The following RALYL variants were observed in gnomAD, a reference collection of about 807,000 sequenced individuals.
The protein encoded by RALYL is RNA-binding Raly-like protein.
Under a neutral mutation model 35.1 loss-of-function variants are expected in RALYL, and 29 were observed. The ratio of observed to expected loss-of-function variants is 0.83; its 90% CI spans 0.61 to 1.13. The LOEUF (loss-of-function observed/expected upper bound fraction) is 1.13. Among genes scored for constraint, RALYL ranks in the 50% most tolerant of loss-of-function variants. The pLI is 0.00. For synonymous variants in RALYL, 120 were observed against 127.6 expected (o/e 0.94, Z 0.40); for missense variants, 359 against 360.4 (o/e 1.00, Z 0.03).
At chr8:84,830,085 CTAAATAGATCA>C (rs1428190627) in intron 4 of RALYL, among the ~76,000 whole-genome samples, 3 of 149,018 alleles carry the variant, frequency 2.0e-5, no homozygotes, top group African/African-American at 7.5e-5. Flanking sequence ...AAATGAGGCA[CTAAATAGATCA>C]TAACATAGAT....
chr8:84,450,505 A>G (rs1228488057), intron 1 of RALYL, among the ~76,000 whole-genome samples: 2 of 151,926 alleles, frequency 1.3e-5, no homozygotes, highest in African/African-American at 2.4e-5. Context: ...TGATTCAGTT[A>G]TGCCTGCTAC....
At chr8:84,522,195 T>C (rs2058509986) in intron 1 of RALYL, among the ~76,000 whole-genome samples, 1 of 152,086 alleles carries the variant, frequency 6.6e-6, no homozygotes, top group African/African-American at 2.4e-5. Context: ...CAGCGGGTTC[T>C]TAATAAAATA....
intron 2 of RALYL, among the ~76,000 whole-genome samples, chr8:84,767,953 A>G (rs1322164931): frequency 1.3e-5 from 2 of 152,236 alleles, no homozygotes; most frequent in Non-Finnish European, 2.9e-5. Context: ...TTAAACCCAC[A>G]TCATTTCTTG....
intron 4 of RALYL, among the ~76,000 whole-genome samples, chr8:84,845,127 TA>T (rs922411095): frequency 1.3e-4 from 19 of 151,944 alleles, no homozygotes; most frequent in African/African-American, 3.1e-4. Flanking sequence ...ATAAAAAAAT[TA>T]AAAAAAATAA....
At chr8:84,405,401 A>G (rs111254398) in intron 1 of RALYL, among the ~76,000 whole-genome samples, 4,488 of 152,264 alleles carry the variant, frequency 0.029, 216 homozygotes, top group African/African-American at 0.1. Context: ...AAACCCTTCA[A>G]AAATCAATGA....
chr8:84,188,417 T>G (rs1306857943), intron 1 of RALYL, among the ~76,000 whole-genome samples: 2 of 152,086 alleles, frequency 1.3e-5, no homozygotes, highest in African/African-American at 4.8e-5. Context: ...CAGTTATTGT[T>G]ATTATTCTCT....
intron 1 of RALYL, among the ~76,000 whole-genome samples, chr8:84,418,201 G>C (rs185202338): frequency 2.6e-5 from 4 of 152,186 alleles, no homozygotes; most frequent in African/African-American, 9.6e-5. Context: ...CAGAATGGTT[G>C]GGTTTTAATT....
At chr8:84,293,392 A>G (rs1839140462) in intron 1 of RALYL, among the ~76,000 whole-genome samples, 1 of 152,092 alleles carries the variant, frequency 6.6e-6, no homozygotes, top group Non-Finnish European at 1.5e-5. Context: ...AGTAAAATTC[A>G]TGTTGGTTTC....
chr8:84,307,086 G>C (rs1284151854), intron 1 of RALYL, among the ~76,000 whole-genome samples: 1 of 152,144 alleles, frequency 6.6e-6, no homozygotes, highest in Non-Finnish European at 1.5e-5. Context: ...GGTTCCAGTG[G>C]TTGATTCACA....
chr8:84,497,636 G>GTTTTTTTTTTTTTTTTTTTTTTT (rs1275818557), intron 1 of RALYL, among the ~76,000 whole-genome samples: 2 of 111,594 alleles, frequency 1.8e-5, no homozygotes, highest in African/African-American at 6.9e-5. Context: ...TGTTGTTTTT[G>GTTTTTTTTTTTTTTTTTTTTTTT]TTTTTGTTTT....
At chr8:84,442,203 C>T (rs2048396422) in intron 1 of RALYL, among the ~76,000 whole-genome samples, 2 of 151,992 alleles carry the variant, frequency 1.3e-5, no homozygotes, top group South Asian at 2.1e-4. Context: ...TTGTTATACT[C>T]ATTTTTGTGT....
chr8:84,315,818 GAA>G (rs59056772), intron 1 of RALYL, among the ~76,000 whole-genome samples: 3,786 of 134,772 alleles, frequency 0.028, 92 homozygotes, highest in Non-Finnish European at 0.034. Flanking sequence ...CCCACTGCCT[GAA>G]AAAAAAAAAA....
chr8:84,306,407 T>C (rs1178122668), intron 1 of RALYL, among the ~76,000 whole-genome samples: 1 of 152,076 alleles, frequency 6.6e-6, no homozygotes, highest in African/African-American at 2.4e-5. Context: ...AGGCGAAGTG[T>C]TTTTAAACCA....
intron 2 of RALYL, among the ~76,000 whole-genome samples, chr8:84,772,711 TG>T (rs1563569594): frequency 6.6e-6 from 1 of 152,116 alleles, no homozygotes; most frequent in African/African-American, 2.4e-5. Flanking sequence ...TCTTATTAAT[TG>T]TAATAATCTG....
At chr8:84,540,509 TTTGA>T (rs985545120) in intron 2 of RALYL, among the ~76,000 whole-genome samples, 1 of 152,052 alleles carries the variant, frequency 6.6e-6, no homozygotes, top group Non-Finnish European at 1.5e-5. Flanking sequence ...ACAATTGATC[TTTGA>T]TTGTGAAATC....
chr8:84,362,487 AG>A (rs1853250990), intron 1 of RALYL, among the ~76,000 whole-genome samples: 1 of 152,114 alleles, frequency 6.6e-6, no homozygotes, highest in Non-Finnish European at 1.5e-5. Context: ...GTGGCACAGC[AG>A]GAGGCAAGCG....
At chr8:84,661,252 G>A (rs1830849590) in intron 2 of RALYL, among the ~76,000 whole-genome samples, 1 of 151,886 alleles carries the variant, frequency 6.6e-6, no homozygotes, top group African/African-American at 2.4e-5. Context: ...TATATAGAGG[G>A]ACCATAAATT....
At chr8:84,546,625 T>C (rs568953727) in intron 2 of RALYL, among the ~76,000 whole-genome samples, 13 of 152,322 alleles carry the variant, frequency 8.5e-5, no homozygotes, top group African/African-American at 2.9e-4. Context: ...TAGATAAATT[T>C]TACAATTTTT....
intron 7 of RALYL, among the ~76,000 whole-genome samples, chr8:84,876,365 C>A (rs1485355686): frequency 6.6e-6 from 1 of 152,172 alleles, no homozygotes; most frequent in East Asian, 1.9e-4. Context: ...CATCACACAA[C>A]TTCTTTGGGG....
Sources: allele counts gnomAD v4.1 joint callset (sites outside exome capture counted in the v4.1 genomes callset), GRCh38; gene constraint gnomAD v4.1.1; transcripts MANE v1.5; gene names NCBI Gene and HGNC (gene_info 2026-07-23, HGNC 2026-07-21).